Variants in ENGASE observed in about 807,000 individuals in gnomAD.
The protein encoded by ENGASE is endo-beta-N-acetylglucosaminidase.
A neutral mutation model predicts 78.5 loss-of-function variants in ENGASE; 69 were observed. The observed-to-expected ratio is 0.88, with a 90% CI of 0.72 to 1.07. The LOEUF is 1.07. Among genes scored for constraint, ENGASE ranks in the 50% least tolerant of loss-of-function variants. ENGASE has a pLI of 0.00. For missense variants in ENGASE, 943 were observed against 988.4 expected, an observed-to-expected ratio of 0.95 and a Z score of 0.62; for synonymous variants, 408 against 408.9, an observed-to-expected ratio of 1.00 and a Z score of 0.03.
At chr17:79,079,703 G>A in intron 4 of ENGASE, 66 bp downstream of exon 4, 2 of 1,571,240 alleles carry the variant, frequency 1.3e-6, no homozygotes, top group Non-Finnish European at 1.7e-6. Flanking sequence ...GGGACCCCGT[G>A]ATTAGGAGGC....
At chr17:79,080,433 G>C (rs2073098447) in intron 5 of ENGASE, 69 bp downstream of exon 5, 1 of 1,572,482 alleles carries the variant, frequency 6.4e-7, no homozygotes, top group South Asian at 1.1e-5. Flanking sequence ...CCTCTTTCCT[G>C]CCTTGGCCTC....
Position 79,085,960 on chromosome 17 carries a change from C to T in ENGASE, c.1843C>T (p.Pro615Ser), listed in dbSNP as rs537698670. 1.2e-6 allele frequency: 2 copies of T among 1,603,626 alleles called. No homozygotes were observed. The highest frequency in any genetic ancestry group is 2.2e-5 in the East Asian group (1 of 44,822). The change falls in exon 14 of 14, where the codon CCT becomes TCT. Residue 615 changes from proline (P) to serine (S), a missense_variant. Pro to Ser is a moderately conservative substitution (Grantham distance 74). Coordinates refer to ENST00000579016, the MANE Select transcript of ENGASE (RefSeq NM_001042573.3). Reference sequence around the variant, plus strand: ...GGTGGACGCTGCCAGCCTGCTGGCCCCTCTGCCCCAGGTGCAGGCCGTCAC... The same window carrying T: ...GGTGGACGCTGCCAGCCTGCTGGCCTCTCTGCCCCAGGTGCAGGCCGTCAC... The part of the protein sequence containing the change: ...QVVDAASLLA[P>S]LPQVQAVTIS...
chr17:79,077,599 A>C, intron 2 of ENGASE, 64 bp from the exon 3 acceptor site: 1 of 1,597,002 alleles, frequency 6.3e-7, no homozygotes, highest in Non-Finnish European at 8.6e-7. Context: ...GTTATTGTTA[A>C]AATGTTTCGA....
chr17:79,079,699 C>A, intron 4 of ENGASE, 62 bp downstream of exon 4: 1 of 1,575,340 alleles, frequency 6.3e-7, no homozygotes, highest in East Asian at 2.3e-5. Flanking sequence ...CCAGGGGACC[C>A]CGTGATTAGG....
chr17:79,086,528 C>T lies in ENGASE; in HGVS notation c.*179C>T. 1 of 718,952 alleles carries T rather than the reference C, an allele frequency of 1.4e-6. No homozygotes were observed. Among genetic ancestry groups the T allele is most frequent in the Non-Finnish European group, 2.2e-6 (1 of 448,360 alleles). 44.5% of individuals were successfully genotyped at this position (718,952 alleles called of 1,614,324 possible). Reference sequence around the variant, plus strand: ...GCTTTCTGGTGGGGGGCGATGGAAACAGGAAACCAAGCAGTGGGATCGCAG... The same window carrying T: ...GCTTTCTGGTGGGGGGCGATGGAAATAGGAAACCAAGCAGTGGGATCGCAG... On this transcript the variant is annotated 3_prime_UTR_variant, in exon 14 of 14. Transcript: ENST00000579016.
intron 1 of ENGASE, chr17:79,075,842 A>C (rs750844617): frequency 1.6e-5 from 16 of 985,356 alleles, no homozygotes; most frequent in Non-Finnish European, 1.9e-5. Context: ...GACAGGAGGA[A>C]TGTGGAGATG....
At chr17:79,076,756 G>A (rs1183781631) in intron 1 of ENGASE, among the ~76,000 whole-genome samples, 2 of 152,182 alleles carry the variant, frequency 1.3e-5, no homozygotes, top group East Asian at 3.9e-4. Flanking sequence ...AAACTTTCTG[G>A]TGCTTTGGGT....
At position 79,087,123 on chromosome 17, in the gene ENGASE, G is replaced by A; in HGVS notation, c.*774G>A. 1 of 448,996 alleles carries A rather than the reference G, an allele frequency of 2.2e-6. No individual in the cohort carries two copies. Among genetic ancestry groups the A allele is most frequent in the Non-Finnish European group, 4.5e-6 (1 of 221,058 alleles). 27.8% of individuals were successfully genotyped at this position (448,996 alleles called of 1,614,324 possible). On this transcript the variant is annotated 3_prime_UTR_variant, in exon 14 of 14. Coordinates refer to ENST00000579016, the MANE Select transcript of ENGASE (RefSeq NM_001042573.3). ...CTGAGGCAGTCTGCGCTGTGGCCCT[G>A]CCTCTGCCCAGCGAGAGGCCGTGGG... is the stretch of plus-strand genomic sequence containing the variant.
chr17:79,082,154 CAAAG>C, intron 7 of ENGASE, 91 bp downstream of exon 7: 1 of 1,607,986 alleles, frequency 6.2e-7, no homozygotes, highest in Non-Finnish European at 8.5e-7. Flanking sequence ...GTCTGCACCT[CAAAG>C]GAATGACAGC....
chr17:79,081,009 T>G lies in ENGASE; in HGVS notation c.808T>G (p.Trp270Gly). 4 of 1,612,604 alleles carry G rather than the reference T, an allele frequency of 2.5e-6. No homozygotes were observed. Among genetic ancestry groups the G allele is most frequent in the Non-Finnish European group, 2.5e-6 (3 of 1,179,948 alleles). ...GCAGGTCCCAGGGGGCCTGGTGCTC[T>G]GGTATGACAGCGTGGTGCAAAGTGG... is the stretch of plus-strand genomic sequence containing the variant. ...HRQVPGGLVL[W>G]YDSVVQSGQL... The change falls in exon 6 of 14, where the codon TGG (tryptophan) becomes GGG (glycine). Residue 270 changes from tryptophan (W) to glycine (G), a missense_variant. Trp to Gly is a radical substitution (Grantham distance 184). Coordinates refer to ENST00000579016, the MANE Select transcript of ENGASE (RefSeq NM_001042573.3).
rs369431239 is a variant in ENGASE, at chr17:79,082,047, G to T, written c.1022G>T (p.Arg341Leu). The T allele has an allele frequency of 6.2e-7, 1 of 1,614,114 alleles. No individual in the cohort carries two copies. Among genetic ancestry groups the T allele is most frequent in the African/African-American group, 1.3e-5 (1 of 74,930 alleles). ...VFARGNVVGG[R>L]FDTDKSLELI... is the part of the protein sequence containing the mutation. The stretch of plus-strand genomic sequence containing the variant: ...GCTCGAGGGAACGTGGTCGGAGGCC[G>T]ATTCGACACAGACAAGGTGGGTGGT... Residue 341 changes from arginine (R) to leucine (L), a missense_variant, in exon 7 of 14, where the codon CGA (arginine) becomes CTA (leucine). Physicochemically the swap from Arg to Leu is moderately radical, Grantham distance 102 (BLOSUM62 -2). Transcript: ENST00000579016.
chr17:79,079,675 C>T (rs2073074140), intron 4 of ENGASE, 38 bp downstream of exon 4: 6 of 1,595,428 alleles, frequency 3.8e-6, no homozygotes, highest in Non-Finnish European at 5.1e-6. Context: ...CAGCCAGACT[C>T]CTCAGCTCAC....
rs2072926874 is a variant in ENGASE, at chr17:79,074,868, G to T, written c.-77G>T. 8.2e-7 allele frequency: 1 copy of T among 1,219,928 alleles called. No homozygotes were observed. The highest frequency in any genetic ancestry group is 1.0e-6 in the Non-Finnish European group (1 of 978,586). 75.6% of individuals were successfully genotyped at this position (1,219,928 alleles called of 1,614,324 possible). On this transcript the variant is annotated 5_prime_UTR_variant, in exon 1 of 14. Transcript: ENST00000579016. ...CGTCCCAGCGCGGCGTCAGCGCTGCGCACTTCCCATTGGCCGAGCGCGGCG... is the reference window on the plus strand; with the variant it reads ...CGTCCCAGCGCGGCGTCAGCGCTGCTCACTTCCCATTGGCCGAGCGCGGCG...
Position 79,085,301 on chromosome 17 carries a change from G to A in ENGASE, c.1659G>A (p.Val553=), listed in dbSNP as rs756545283. Residue 553 remains valine, a synonymous_variant, in exon 12 of 14, where the codon GTG becomes GTA. Coordinates refer to ENST00000579016, the MANE Select transcript of ENGASE (RefSeq NM_001042573.3). The part of the protein sequence containing the change: ...RVPPTKLARW[V]GRCGRQLSGG... ...CCCCCACCAAGCTGGCCAGATGGGT[G>A]GGCCGCTGCGGCCGGCAGCTGAGTG... 3.7e-6 allele frequency: 6 copies of A among 1,612,784 alleles called. No homozygotes were observed. The highest frequency in any genetic ancestry group is 5.1e-6 in the Non-Finnish European group (6 of 1,179,796).
chr17:79,078,551 T>C (rs1408346518), intron 3 of ENGASE, among the ~76,000 whole-genome samples: 1 of 152,190 alleles, frequency 6.6e-6, no homozygotes, highest in Non-Finnish European at 1.5e-5. Flanking sequence ...TCCCTTAAGC[T>C]CTGATCCTGT....
intron 6 of ENGASE, among the ~76,000 whole-genome samples, chr17:79,081,525 T>C (rs935991828): frequency 1.3e-5 from 2 of 151,772 alleles, no homozygotes; most frequent in Admixed American, 6.6e-5. Flanking sequence ...TCTCTTAACA[T>C]CCTGAGCCTC....
rs1180342603 is a variant in ENGASE at position 79,083,163 on chromosome 17, G to T, written c.1142+40G>T. ...CCTGGGTGCTTAGTGCAGGCTGATGGGAGGGAGGGGTTTCTGGTGTCTCTG... is the reference window on the plus strand; with the variant it reads ...CCTGGGTGCTTAGTGCAGGCTGATGTGAGGGAGGGGTTTCTGGTGTCTCTG... On this transcript the variant is annotated intron_variant, in intron 8 of 13. Coordinates refer to ENST00000579016, the MANE Select transcript of ENGASE (RefSeq NM_001042573.3). This position sits in a 1 kb window ranked among gnomAD's most constrained non-coding sequence, Gnocchi z 4.9. 1 of 1,430,016 alleles carries T rather than the reference G, an allele frequency of 7.0e-7. No homozygotes were observed. The highest frequency in any genetic ancestry group is 1.2e-5 in the South Asian group (1 of 86,158). 88.6% of individuals were successfully genotyped at this position (1,430,016 alleles called of 1,614,324 possible).
In ENGASE at chr17:79,086,856, G is replaced by A. The variant is rs767723977; in HGVS notation, c.*507G>A. The A allele has an allele frequency of 1.3e-4, 58 of 441,274 alleles. 1 individual carries two copies. Among genetic ancestry groups the A allele is most frequent in the South Asian group, 4.9e-4 (31 of 63,562 alleles). 27.3% of individuals were successfully genotyped at this position (441,274 alleles called of 1,614,324 possible). A position where few individuals can be genotyped will look rare whatever the true frequency, so the allele number is the denominator to read the frequency against. ...GGGGTGGGGCTGCCTGCGGGATGGCGGGAGAGGATGCCCTGGAGAACCGTC... is the reference window on the plus strand; with the variant it reads ...GGGGTGGGGCTGCCTGCGGGATGGCAGGAGAGGATGCCCTGGAGAACCGTC... On this transcript the variant is annotated 3_prime_UTR_variant, in exon 14 of 14. Coordinates refer to ENST00000579016, the MANE Select transcript of ENGASE (RefSeq NM_001042573.3).
chr17:79,076,189 G>A (rs1050062978), intron 1 of ENGASE, among the ~76,000 whole-genome samples: 5 of 152,188 alleles, frequency 3.3e-5, no homozygotes, highest in African/African-American at 7.2e-5. Context: ...GGCCTTGGGC[G>A]TTGGTAGATT....
Sources: gnomAD v4.1 joint callset for allele counts (sites outside exome capture counted in the v4.1 genomes callset) on GRCh38, gnomAD v4.1.1 for gene constraint, Gnocchi (gnomAD v3.1) non-coding constraint, MANE v1.5 for transcripts, NCBI Gene and HGNC (gene_info 2026-07-23, HGNC 2026-07-21) for gene names.